The following NOS1AP variants were observed in gnomAD, a reference collection of about 807,000 sequenced individuals.
The protein encoded by NOS1AP is carboxyl-terminal PDZ ligand of neuronal nitric oxide synthase protein.
In NOS1AP, 21 loss-of-function variants were observed where a neutral mutation model predicts 56.2. The observed-to-expected ratio is 0.37, with a 90% CI of 0.26 to 0.54. The LOEUF is 0.54. Among genes scored for constraint, NOS1AP ranks in the 20% least tolerant of loss-of-function variants. The probability of loss-of-function intolerance (pLI) is 0.84; values close to 1 mark genes in which losing one functional copy is unlikely to be tolerated. For missense variants in NOS1AP, 522 were observed against 657.8 expected (o/e 0.79, Z 2.26); for synonymous variants, 270 against 274.6 (o/e 0.98, Z 0.17).
intron 5 of NOS1AP, among the ~76,000 whole-genome samples, chr1:162,334,342 T>A (rs935073225): frequency 2.0e-5 from 3 of 152,050 alleles, no homozygotes; most frequent in South Asian, 2.1e-4. Context: ...AGACTTCACA[T>A]CTAGATAATA....
rs533030893 is a variant in NOS1AP at position 162,114,407 on chromosome 1, G to A, written c.106-39998G>A. On this transcript the variant is annotated intron_variant, in intron 1 of 9. Transcript: ENST00000361897. ...GAGTTTCTTTTTCAGGGGAACTTCA[G>A]CTCTGTCCTTGAGGCCTTTTGACTG... Among the ~76,000 whole-genome samples, 53 of 152,238 alleles carry A rather than the reference G, an allele frequency of 3.5e-4. No homozygotes were observed. The South Asian group carries it at 0.01, about 29-fold the overall frequency.
At chr1:162,339,820 C>CAGAAA (rs1657051768) in intron 5 of NOS1AP, among the ~76,000 whole-genome samples, 1 of 152,214 alleles carries the variant, frequency 6.6e-6, no homozygotes, top group Non-Finnish European at 1.5e-5. Flanking sequence ...CATGGCTGTG[C>CAGAAA]AGAAAGCAGA....
intron 1 of NOS1AP, among the ~76,000 whole-genome samples, chr1:162,081,340 T>C (rs1691881367): frequency 6.6e-6 from 1 of 152,148 alleles, no homozygotes; most frequent in South Asian, 2.1e-4. Flanking sequence ...GTAAAGACTT[T>C]TCTGGACCAT....
At chr1:162,180,665 C>T (rs2102144882) in intron 2 of NOS1AP, among the ~76,000 whole-genome samples, 2 of 152,306 alleles carry the variant, frequency 1.3e-5, no homozygotes, top group Admixed American at 1.3e-4. Context: ...CCTCAGCTGA[C>T]AGCCAGCAAG....
intron 1 of NOS1AP, among the ~76,000 whole-genome samples, chr1:162,076,777 C>G (rs1691778741): frequency 1.3e-5 from 2 of 152,330 alleles, no homozygotes; most frequent in South Asian, 4.1e-4. Context: ...CAGACCTGAA[C>G]AGCCACTAAT....
chr1:162,250,342 T>C (rs1390889581), intron 2 of NOS1AP, among the ~76,000 whole-genome samples: 2 of 152,142 alleles, frequency 1.3e-5, no homozygotes, highest in African/African-American at 2.4e-5. Context: ...ACCTCTTCCC[T>C]CTAAAAAAGG....
chr1:162,130,266 A>T (rs948449329), intron 1 of NOS1AP, among the ~76,000 whole-genome samples: 1 of 152,224 alleles, frequency 6.6e-6, no homozygotes, highest in African/African-American at 2.4e-5. Context: ...TAAGTAACTA[A>T]GTTAAGATCT....
rs988150542 is a variant in NOS1AP at position 162,368,110 on chromosome 1, C to G, written c.*643C>G. 3.3e-5 allele frequency: 5 copies of G among 152,548 alleles called. No individual in the cohort carries two copies. The highest frequency in any genetic ancestry group is 2.1e-4 in the South Asian group (1 of 4,824). 9.4% of individuals were successfully genotyped at this position (152,548 alleles called of 1,614,324 possible). On this transcript the variant is annotated 3_prime_UTR_variant, in exon 10 of 10. Coordinates refer to ENST00000361897, the MANE Select transcript of NOS1AP (RefSeq NM_014697.3). The stretch of plus-strand genomic sequence containing the variant: ...ACTGAATCCAAACATTTTCTCCAGC[C>G]GGACATTGAATGTTGCTACAAAGGG...
intron 1 of NOS1AP, among the ~76,000 whole-genome samples, chr1:162,123,106 A>G (rs1223607897): frequency 6.6e-6 from 1 of 152,198 alleles, no homozygotes. Context: ...ATTTGAGATA[A>G]TAGTAGATTC....
intron 1 of NOS1AP, among the ~76,000 whole-genome samples, chr1:162,127,289 A>G (rs1648530671): frequency 6.6e-6 from 1 of 152,104 alleles, no homozygotes; most frequent in Admixed American, 6.5e-5. Context: ...AAACTTTTTA[A>G]GTTGAAAGTA....
chr1:162,122,961 A>T (rs922185925), intron 1 of NOS1AP, among the ~76,000 whole-genome samples: 8 of 152,230 alleles, frequency 5.3e-5, no homozygotes, highest in Admixed American at 5.2e-4. Flanking sequence ...GAATAGTTTT[A>T]AAAATGCCAA....
In NOS1AP at chr1:162,282,302, C is replaced by G. The variant is rs144361340; in HGVS notation, c.178-5042C>G. On this transcript the variant is annotated intron_variant, in intron 2 of 9. Transcript: ENST00000361897. ...TATTTGTCTCTGTAAGTTTGACAAC[C>G]CTAGGGACTTCATATAAGTGGAATC... Among the ~76,000 whole-genome samples the G allele has an allele frequency of 9.6e-4, 146 of 152,248 alleles. 1 individual carries two copies. In the East Asian group the frequency reaches 0.027, roughly 28 times the overall value.
intron 1 of NOS1AP, among the ~76,000 whole-genome samples, chr1:162,081,774 A>ATATATATATATTTTTTTT: frequency 4.5e-5 from 2 of 44,060 alleles, no homozygotes; most frequent in African/African-American, 1.5e-4. Context: ...ATATATATAT[A>ATATATATATATTTTTTTT]TTTTTTTTTT....
chr1:162,164,007 A>T (rs530347149), intron 2 of NOS1AP, among the ~76,000 whole-genome samples: 1 of 152,338 alleles, frequency 6.6e-6, no homozygotes, highest in East Asian at 1.9e-4. Context: ...AGTTAGTAAG[A>T]GCCAGGAGTT....
At chr1:162,342,193 T>C (rs347283) in intron 5 of NOS1AP, among the ~76,000 whole-genome samples, 80,249 of 152,022 alleles carry the variant, frequency 0.53, 22,665 homozygotes, top group Middle Eastern at 0.67. Context: ...AAGGTTCTTA[T>C]CTCCCAGAAG....
intron 1 of NOS1AP, among the ~76,000 whole-genome samples, chr1:162,108,030 A>AT (rs1016348572): frequency 6.6e-6 from 1 of 152,226 alleles, no homozygotes; most frequent in African/African-American, 2.4e-5. Flanking sequence ...GCATTTTAGT[A>AT]TTTTTTAGAA....
chr1:162,328,924 G>T (rs962148723), intron 4 of NOS1AP, among the ~76,000 whole-genome samples: 2 of 152,278 alleles, frequency 1.3e-5, no homozygotes, highest in Admixed American at 1.3e-4. Context: ...ACTCTAAATT[G>T]TTGTTGCTGC....
rs878923636 is a variant in NOS1AP, at chr1:162,367,356, G to A, written c.1410G>A (p.Thr470=). 25 of 1,612,250 alleles carry A rather than the reference G, an allele frequency of 1.6e-5. No individual in the cohort carries two copies. Among genetic ancestry groups the A allele is most frequent in the African/African-American group, 5.3e-5 (4 of 74,936 alleles). ...SGIASEYESN[T]DESEERDSWS... is the part of the protein sequence containing the mutation. ...TCGCCTCGGAGTACGAGTCCAACAC[G>A]GACGAGAGCGAGGAGCGCGACTCGT... Residue 470 remains threonine, a synonymous_variant, in exon 10 of 10, where the codon ACG becomes ACA. Transcript: ENST00000361897. The surrounding 1 kb of genome is among the most constrained non-coding windows in gnomAD (Gnocchi z 6.5).
chr1:162,269,423 G>A (rs993832320), intron 2 of NOS1AP, among the ~76,000 whole-genome samples: 3 of 151,996 alleles, frequency 2.0e-5, no homozygotes, highest in East Asian at 1.9e-4. Flanking sequence ...TTTAAGAAAC[G>A]GATAATGGCT....
Sources: allele counts gnomAD v4.1 joint callset (sites outside exome capture counted in the v4.1 genomes callset), GRCh38; gene constraint gnomAD v4.1.1; non-coding constraint Gnocchi (gnomAD v3.1); transcripts MANE v1.5; gene names NCBI Gene and HGNC (gene_info 2026-07-23, HGNC 2026-07-21).